CALN1: variants seen among roughly 807,000 people sequenced by gnomAD.
The protein encoded by CALN1 is calcium-binding protein 8.
In CALN1, 17 loss-of-function variants were observed where a neutral mutation model predicts 30.6. That is an observed-to-expected ratio of 0.56 (90% CI 0.38 to 0.83). The LOEUF is 0.83. Among genes scored for constraint, CALN1 ranks in the 40% least tolerant of loss-of-function variants. The probability of loss-of-function intolerance (pLI) is 0.00; values close to 1 mark genes in which losing one functional copy is unlikely to be tolerated. For synonymous variants in CALN1, 156 were observed against 131.4 expected (o/e 1.19, Z -1.28); for missense variants, 291 against 354.9 (o/e 0.82, Z 1.45).
chr7:72,083,369 G>C (rs558792309), intron 4 of CALN1, among the ~76,000 whole-genome samples: 13 of 152,054 alleles, frequency 8.5e-5, no homozygotes, highest in African/African-American at 3.1e-4. Context: ...GGTTTGAGCA[G>C]AGATATGGAA....
chr7:72,367,362 G>A lies in CALN1; in HGVS notation c.119+35889C>T, dbSNP rs912153834. 5.1e-4 allele frequency among the ~76,000 whole-genome samples: 78 copies of A among 152,060 alleles called. 1 individual carries two copies. Among genetic ancestry groups the A allele is most frequent in the African/African-American group, 1.8e-3 (73 of 41,392 alleles). On this transcript the variant is annotated intron_variant, in intron 2 of 6. Transcript: ENST00000395275. ...TAGCTGGGAGTGTTGGCATGCACCTGTACTCCCAGCTACTCACTCAGAAGG... is the reference window on the plus strand; with the variant it reads ...TAGCTGGGAGTGTTGGCATGCACCTATACTCCCAGCTACTCACTCAGAAGG...
At chr7:71,903,182 A>C (rs1793954219) in intron 5 of CALN1, among the ~76,000 whole-genome samples, 1 of 152,110 alleles carries the variant, frequency 6.6e-6, no homozygotes, top group Admixed American at 6.5e-5. Context: ...TCTATAATAA[A>C]ATATTTAAAA....
intron 5 of CALN1, among the ~76,000 whole-genome samples, chr7:71,997,455 G>A (rs571110220): frequency 2.6e-5 from 4 of 152,088 alleles, no homozygotes; most frequent in African/African-American, 4.8e-5. Context: ...AAAATTCAAC[G>A]CTCATCAGAG....
intron 3 of CALN1, among the ~76,000 whole-genome samples, chr7:72,278,008 C>CGG (rs3032250): frequency 0.046 from 2,218 of 48,654 alleles, 150 homozygotes; most frequent in African/African-American, 0.12. Context: ...TCCTCTATTC[C>CGG]GGGGGGGGGG....
chr7:71,990,311 C>T (rs947448034), intron 5 of CALN1, among the ~76,000 whole-genome samples: 7 of 152,062 alleles, frequency 4.6e-5, no homozygotes, highest in Non-Finnish European at 1.0e-4. Flanking sequence ...AGGGGAGGAA[C>T]CCTCAGTTCC....
intron 3 of CALN1, among the ~76,000 whole-genome samples, chr7:72,168,805 A>ATTTTTTTTTTTT: frequency 7.8e-6 from 1 of 128,484 alleles, no homozygotes; most frequent in Admixed American, 8.5e-5. Context: ...TATTATTATT[A>ATTTTTTTTTTTT]TTTTTTTTTT....
intron 5 of CALN1, among the ~76,000 whole-genome samples, chr7:71,827,771 T>TAAAAAAACAAA (rs1554347602): frequency 1.0e-5 from 1 of 96,842 alleles, no homozygotes. Flanking sequence ...GACTCCATCT[T>TAAAAAAACAAA]AAAAAAATAA....
intron 3 of CALN1, among the ~76,000 whole-genome samples, chr7:72,155,137 C>T (rs1229577177): frequency 6.6e-6 from 1 of 151,732 alleles, no homozygotes; most frequent in East Asian, 1.9e-4. Context: ...CCCTGCATGC[C>T]CAGAGGGAAG....
At position 72,091,355 on chromosome 7, in the gene CALN1, C is replaced by T. The variant is rs556137314; in HGVS notation, c.388+14796G>A. Among the ~76,000 whole-genome samples the T allele has an allele frequency of 2.0e-3, 297 of 152,198 alleles. 2 individuals are homozygous for T. Among genetic ancestry groups the T allele is most frequent in the African/African-American group, 6.8e-3 (282 of 41,548 alleles). ...CAAACAGACAAACAAACAAACACCCCAGTAATTTATTGTATATTTCAAAAT... is the reference window on the plus strand; with the variant it reads ...CAAACAGACAAACAAACAAACACCCTAGTAATTTATTGTATATTTCAAAAT... On this transcript the variant is annotated intron_variant, in intron 4 of 6. Transcript: ENST00000395275.
At chr7:71,974,786 G>A (rs953008840) in intron 5 of CALN1, among the ~76,000 whole-genome samples, 3 of 152,180 alleles carry the variant, frequency 2.0e-5, no homozygotes, top group African/African-American at 7.2e-5. Flanking sequence ...TGGCACTCTG[G>A]GAAGGAAGAC....
At chr7:71,990,824 C>T (rs924607895) in intron 5 of CALN1, among the ~76,000 whole-genome samples, 19 of 152,278 alleles carry the variant, frequency 1.2e-4, no homozygotes, top group South Asian at 8.3e-4. Context: ...TCTAAGGACT[C>T]GCACCAAATT....
chr7:72,256,761 C>CA (rs1285770736), intron 3 of CALN1, among the ~76,000 whole-genome samples: 1 of 152,112 alleles, frequency 6.6e-6, no homozygotes, highest in Non-Finnish European at 1.5e-5. Context: ...CATGCATGAC[C>CA]ATGCCTGACC....
chr7:71,996,838 A>G (rs891819794), intron 5 of CALN1, among the ~76,000 whole-genome samples: 13 of 152,254 alleles, frequency 8.5e-5, no homozygotes, highest in African/African-American at 2.9e-4. Flanking sequence ...TAAAAAGTCT[A>G]CTGAAACAAA....
At chr7:72,416,871 G>A (rs1309164275), upstream of CALN1, among the ~76,000 whole-genome samples, 2 of 152,070 alleles carry the variant, frequency 1.3e-5, no homozygotes, top group Admixed American at 1.3e-4. Context: ...GGGCTGGGCT[G>A]AGCTGGGCTG....
At chr7:72,013,362 C>T (rs1800200023) in intron 5 of CALN1, among the ~76,000 whole-genome samples, 1 of 149,674 alleles carries the variant, frequency 6.7e-6, no homozygotes, top group African/African-American at 2.5e-5. Flanking sequence ...AGTGATCCTC[C>T]TGCCTCAACC....
chr7:72,023,855 C>T, intron 4 of CALN1, 86 bp from the exon 5 acceptor site: 1 of 869,664 alleles, frequency 1.1e-6, no homozygotes, highest in Non-Finnish European at 1.9e-6. Context: ...CTACGCTTTT[C>T]TTCTTGGCAT....
At chr7:71,888,998 G>A (rs941145995) in intron 5 of CALN1, among the ~76,000 whole-genome samples, 2 of 152,248 alleles carry the variant, frequency 1.3e-5, no homozygotes, top group Admixed American at 6.5e-5. Flanking sequence ...GATCAGGAAA[G>A]GTAGGAACAA....
chr7:71,992,917 G>C (rs1026150586), intron 5 of CALN1, among the ~76,000 whole-genome samples: 1 of 152,170 alleles, frequency 6.6e-6, no homozygotes, highest in East Asian at 1.9e-4. Context: ...CTAAGAGTAG[G>C]CATACCATTC....
chr7:72,391,642 CGTGG>C (rs1805586308), intron 2 of CALN1, among the ~76,000 whole-genome samples: 1 of 152,126 alleles, frequency 6.6e-6, no homozygotes, highest in Admixed American at 6.5e-5. Context: ...ATACTGTTCT[CGTGG>C]TAGTGAGTAG....
Sources: gnomAD v4.1 joint callset for allele counts (sites outside exome capture counted in the v4.1 genomes callset) on GRCh38, gnomAD v4.1.1 for gene constraint, MANE v1.5 for transcripts, NCBI Gene and HGNC (gene_info 2026-07-23, HGNC 2026-07-21) for gene names.